Variants in LARP4B observed in about 807,000 individuals in gnomAD.
LARP4B encodes la-related protein 4B.
LARP4B carries 12 observed loss-of-function variants against 89.8 expected under a neutral mutation model. The ratio of observed to expected loss-of-function variants is 0.13; its 90% CI spans 0.09 to 0.22. LARP4B has a LOEUF of 0.22. Among genes scored for constraint, LARP4B ranks in the 10% least tolerant of loss-of-function variants. The pLI, the probability that LARP4B is intolerant of heterozygous loss-of-function variation, is 1.00. For synonymous variants in LARP4B, 367 were observed against 363.3 expected (o/e 1.01, Z -0.12); for missense variants, 757 against 947.7 (o/e 0.80, Z 2.64).
In LARP4B at chr10:863,419, C is replaced by CG. The variant is rs553064543; in HGVS notation, c.430+323dup. Among the ~76,000 whole-genome samples the CG allele has an allele frequency of 2.2e-4, 33 of 151,906 alleles. No individual in the cohort carries two copies. The East Asian group carries it at 5.8e-3, about 27-fold the overall frequency. ...TTTTGTATTTTTTTTTTAGTAGAGA[C>CG]GGGGTTTTACCGTGTTAGCCAGGAT... On this transcript the variant is annotated intron_variant, in intron 5 of 17. Coordinates refer to ENST00000316157, the MANE Select transcript of LARP4B (RefSeq NM_015155.3).
At chr10:972,539 C>T in the LARP4B span, 1 of 457,072 alleles carries the variant, frequency 2.2e-6, no homozygotes, top group East Asian at 6.9e-5. Flanking sequence ...CATGTCCACT[C>T]ATGTAGAAGC....
At chr10:927,197 G>C (rs1006294565) in intron 1 of LARP4B, among the ~76,000 whole-genome samples, 1 of 152,116 alleles carries the variant, frequency 6.6e-6, no homozygotes, top group Admixed American at 6.5e-5. Flanking sequence ...GTTGAAATAG[G>C]AGCCATGACA....
chr10:817,629 A>C, intron 15 of LARP4B, 96 bp downstream of exon 15: 1 of 1,241,032 alleles, frequency 8.1e-7, no homozygotes, highest in Non-Finnish European at 1.1e-6. Context: ...TTGAGTATTA[A>C]AAACAAACAT....
At chr10:839,501 T>C (rs918423676) in intron 7 of LARP4B, among the ~76,000 whole-genome samples, 5 of 152,194 alleles carry the variant, frequency 3.3e-5, no homozygotes, top group African/African-American at 1.2e-4. Context: ...AAATAGACAC[T>C]ACTGCAAAGA....
chr10:832,806 A>G (rs999495309), intron 8 of LARP4B, among the ~76,000 whole-genome samples: 1 of 152,254 alleles, frequency 6.6e-6, no homozygotes, highest in Non-Finnish European at 1.5e-5. Flanking sequence ...GACCTGTACA[A>G]GACATGCTAA....
intron 1 of LARP4B, among the ~76,000 whole-genome samples, chr10:894,252 A>G (rs1010755000): frequency 6.6e-6 from 1 of 152,198 alleles, no homozygotes; most frequent in African/African-American, 2.4e-5. Flanking sequence ...GTCGTGCCAA[A>G]AAAAGAGCCT....
chr10:852,986 T>C (rs1268836698), intron 5 of LARP4B, among the ~76,000 whole-genome samples: 1 of 152,212 alleles, frequency 6.6e-6, no homozygotes, highest in African/African-American at 2.4e-5. Flanking sequence ...AAGAGATACA[T>C]CTTGTTCATG....
At chr10:987,843 C>T in the LARP4B span, 1 of 152,424 alleles carries the variant, frequency 6.6e-6, no homozygotes, top group Admixed American at 6.5e-5. Context: ...ATCAGGCTTT[C>T]CCTTCTCCGC....
At chr10:947,508 C>T in the LARP4B span, among the ~76,000 whole-genome samples, 451 of 152,190 alleles carry the variant, frequency 3.0e-3, 17 homozygotes, top group Admixed American at 0.026. Flanking sequence ...TGTTCTGTGG[C>T]CCTGGAAGGA....
At chr10:950,371 C>T in the LARP4B span, among the ~76,000 whole-genome samples, 2 of 152,132 alleles carry the variant, frequency 1.3e-5, no homozygotes, top group Non-Finnish European at 2.9e-5. Flanking sequence ...TGTTTATTTT[C>T]TAAAAGGTTG....
intron 5 of LARP4B, among the ~76,000 whole-genome samples, chr10:856,690 C>T (rs1834319369): frequency 6.6e-6 from 1 of 152,198 alleles, no homozygotes; most frequent in South Asian, 2.1e-4. Context: ...CTTATACTTT[C>T]TGGAGCTCGA....
chr10:964,988 G>A, the LARP4B span, among the ~76,000 whole-genome samples: 1 of 151,242 alleles, frequency 6.6e-6, no homozygotes, highest in Admixed American at 6.6e-5. Flanking sequence ...TGTGATGAAT[G>A]ACCCCAGGTG....
chr10:883,929 T>A (rs924233529), intron 3 of LARP4B, among the ~76,000 whole-genome samples: 2 of 152,234 alleles, frequency 1.3e-5, no homozygotes, highest in Admixed American at 6.5e-5. Flanking sequence ...GATCCTTTGA[T>A]CAAACTGAAT....
chr10:814,483 A>G lies in LARP4B; in HGVS notation c.1929+259T>C, dbSNP rs111293045. Reference sequence around the variant, plus strand: ...GAGAAACAGGAGCTGGGGTCTTGTTACTACTCAAGAAACCTCTATTGACCA... The same window carrying G: ...GAGAAACAGGAGCTGGGGTCTTGTTGCTACTCAAGAAACCTCTATTGACCA... On this transcript the variant is annotated intron_variant, in intron 17 of 17. Transcript: ENST00000316157. This position sits in a 1 kb window ranked among gnomAD's most constrained non-coding sequence, Gnocchi z 4.4. 9 of 593,544 alleles carry G rather than the reference A, an allele frequency of 1.5e-5. No individual in the cohort carries two copies. In the African/African-American group the frequency reaches 1.7e-4, roughly 11 times the overall value. 36.8% of individuals were successfully genotyped at this position (593,544 alleles called of 1,614,324 possible).
At chr10:922,000 A>T (rs190183514) in intron 1 of LARP4B, among the ~76,000 whole-genome samples, 1 of 152,248 alleles carries the variant, frequency 6.6e-6, no homozygotes, top group East Asian at 1.9e-4. Flanking sequence ...ACTCCAAGTC[A>T]GCGGTAACCA....
chr10:908,490 G>A lies in LARP4B; in HGVS notation c.-39-22730C>T, dbSNP rs549602618. Among the ~76,000 whole-genome samples the A allele has an allele frequency of 6.6e-5, 10 of 152,320 alleles. No individual in the cohort carries two copies. The East Asian group carries it at 1.3e-3, about 21-fold the overall frequency. On this transcript the variant is annotated intron_variant, in intron 1 of 17. Coordinates refer to ENST00000316157, the MANE Select transcript of LARP4B (RefSeq NM_015155.3). ...AGCATGGGTAAACAACCTGTGGCGT[G>A]GGAGTGGCATCAGAAGGGGCAGTCT...
At chr10:987,926 G>A in the LARP4B span, 22 of 152,562 alleles carry the variant, frequency 1.4e-4, no homozygotes, top group South Asian at 1.4e-3. Context: ...ACCACGGCCC[G>A]GGATCAAGTC....
chr10:984,483 G>A, the LARP4B span, among the ~76,000 whole-genome samples: 6 of 152,112 alleles, frequency 3.9e-5, no homozygotes, highest in African/African-American at 9.7e-5. Context: ...AGAATGACTC[G>A]TACTCAACCC....
At chr10:917,828 A>G (rs1836865396) in intron 1 of LARP4B, among the ~76,000 whole-genome samples, 1 of 152,244 alleles carries the variant, frequency 6.6e-6, no homozygotes, top group African/African-American at 2.4e-5. Context: ...TTCTTGTTGC[A>G]TTTTATGCAA....
Sources: gnomAD v4.1 joint callset for allele counts (sites outside exome capture counted in the v4.1 genomes callset) on GRCh38, gnomAD v4.1.1 for gene constraint, Gnocchi (gnomAD v3.1) non-coding constraint, MANE v1.5 for transcripts, NCBI Gene and HGNC (gene_info 2026-07-23, HGNC 2026-07-21) for gene names.